ALCAM: variants seen among roughly 807,000 people sequenced by gnomAD.
ALCAM encodes activated leukocyte cell adhesion molecule, also known as CD166 antigen.
A neutral mutation model predicts 70.9 loss-of-function variants in ALCAM; 30 were observed. That is an observed-to-expected ratio of 0.42 (90% CI 0.32 to 0.57). ALCAM has a LOEUF of 0.57. Ranked by LOEUF, ALCAM falls within the 20% of genes least tolerant of loss-of-function variation. The probability of loss-of-function intolerance (pLI) is 0.11; values close to 1 mark genes in which losing one functional copy is unlikely to be tolerated. For missense variants in ALCAM, 591 were observed against 695.1 expected (o/e 0.85, Z 1.68); for synonymous variants, 249 against 242.5 (o/e 1.03, Z -0.25).
At chr3:105,535,908 G>A (rs1256216267) in intron 6 of ALCAM, among the ~76,000 whole-genome samples, 1 of 151,820 alleles carries the variant, frequency 6.6e-6, no homozygotes, top group South Asian at 2.1e-4. Context: ...GGTTCCCTAG[G>A]GCACAATATC....
rs369716468 is a variant in ALCAM at position 105,545,006 on chromosome 3, T to C, written c.992-217T>C. The C allele has an allele frequency of 6.5e-6, 3 of 462,980 alleles. No individual in the cohort carries two copies. The East Asian group carries it at 1.3e-4, about 20-fold the overall frequency. 28.7% of individuals were successfully genotyped at this position (462,980 alleles called of 1,614,324 possible). Reference sequence around the variant, plus strand: ...TAACTGCAAATAAATGGATAATCAATTAGATTGACCACTCTCTTGTCTAAA... The same window carrying C: ...TAACTGCAAATAAATGGATAATCAACTAGATTGACCACTCTCTTGTCTAAA... On this transcript the variant is annotated intron_variant, in intron 8 of 15. Coordinates refer to ENST00000306107, the MANE Select transcript of ALCAM (RefSeq NM_001627.4).
rs1452791157 is a variant in ALCAM, at chr3:105,576,578, A to G, written c.*2127A>G. ...GTCAGAACCTCGAGAGCAGAACATG[A>G]GAAACTCAGAGCTCTGGACCGAAAG... On this transcript the variant is annotated 3_prime_UTR_variant, in exon 16 of 16. Transcript: ENST00000306107. 1 of 152,568 alleles carries G rather than the reference A, an allele frequency of 6.6e-6. No homozygotes were observed. Among genetic ancestry groups the G allele is most frequent in the Non-Finnish European group, 1.5e-5 (1 of 68,034 alleles). 9.5% of individuals were successfully genotyped at this position (152,568 alleles called of 1,614,324 possible).
chr3:105,497,769 C>T (rs540260479), intron 1 of ALCAM, among the ~76,000 whole-genome samples: 2 of 152,176 alleles, frequency 1.3e-5, no homozygotes, highest in East Asian at 1.9e-4. Context: ...AGGTCGCTCA[C>T]GCCTGTAATC....
chr3:105,407,750 C>T (rs114667036), intron 1 of ALCAM, among the ~76,000 whole-genome samples: 2,174 of 151,558 alleles, frequency 0.014, 38 homozygotes, highest in African/African-American at 0.048. Context: ...AAATAAAGGG[C>T]ATCCGAAGAG....
chr3:105,532,588 G>A (rs1284615724), intron 4 of ALCAM, among the ~76,000 whole-genome samples: 9 of 152,080 alleles, frequency 5.9e-5, no homozygotes, highest in African/African-American at 9.7e-5. Context: ...CATTGTGGAC[G>A]ACAGAGCCAG....
At chr3:105,483,517 A>T (rs1322176141) in intron 1 of ALCAM, among the ~76,000 whole-genome samples, 5 of 152,144 alleles carry the variant, frequency 3.3e-5, no homozygotes, top group African/African-American at 1.2e-4. Context: ...CTTATGGAAG[A>T]TAGGGTAAGA....
chr3:105,534,636 A>G (rs755861717), intron 5 of ALCAM, 27 bp from the exon 6 acceptor site: 7 of 1,597,510 alleles, frequency 4.4e-6, no homozygotes, highest in South Asian at 3.3e-5. Context: ...GAAAGACCCT[A>G]TCATCAGTGT....
intron 1 of ALCAM, among the ~76,000 whole-genome samples, chr3:105,427,333 C>T (rs1052363984): frequency 6.6e-6 from 1 of 151,818 alleles, no homozygotes; most frequent in African/African-American, 2.4e-5. Context: ...GCTTTTGTTC[C>T]TCTGTAATAA....
chr3:105,466,801 G>A (rs1257771649), intron 1 of ALCAM, among the ~76,000 whole-genome samples: 1 of 151,382 alleles, frequency 6.6e-6, no homozygotes, highest in African/African-American at 2.4e-5. Flanking sequence ...TAGAAGCCTG[G>A]ATGTTGGATT....
intron 1 of ALCAM, among the ~76,000 whole-genome samples, chr3:105,455,578 C>T (rs570006763): frequency 6.6e-6 from 1 of 152,188 alleles, no homozygotes; most frequent in East Asian, 1.9e-4. Context: ...AGGCAGGACT[C>T]AACTCTGGAG....
chr3:105,474,661 G>T (rs1938047891), intron 1 of ALCAM, among the ~76,000 whole-genome samples: 1 of 151,604 alleles, frequency 6.6e-6, no homozygotes, highest in Non-Finnish European at 1.5e-5. Flanking sequence ...ACATTCAAGG[G>T]CAATCTCTTT....
chr3:105,501,822 T>C (rs938366384), intron 1 of ALCAM, among the ~76,000 whole-genome samples: 3 of 152,192 alleles, frequency 2.0e-5, no homozygotes, highest in Admixed American at 2.0e-4. Flanking sequence ...TAAAGCATAG[T>C]GCCTGCCAAT....
intron 1 of ALCAM, among the ~76,000 whole-genome samples, chr3:105,401,215 G>T (rs1936081157): frequency 6.6e-6 from 1 of 152,184 alleles, no homozygotes; most frequent in Non-Finnish European, 1.5e-5. Flanking sequence ...CCCCTTTTGT[G>T]TGGAATAGAA....
At chr3:105,464,216 C>A (rs1937652643) in intron 1 of ALCAM, among the ~76,000 whole-genome samples, 1 of 150,968 alleles carries the variant, frequency 6.6e-6, no homozygotes, top group Non-Finnish European at 1.5e-5. Context: ...GCTTCTATTT[C>A]AAGGAATTTT....
intron 14 of ALCAM, among the ~76,000 whole-genome samples, chr3:105,562,495 A>G (rs1342562023): frequency 6.6e-6 from 1 of 152,140 alleles, no homozygotes. Flanking sequence ...TTAGTCTATT[A>G]TGATGTATCA....
rs573927198 is a variant in ALCAM at position 105,382,748 on chromosome 3, C to G, written c.73+15267C>G. On this transcript the variant is annotated intron_variant, in intron 1 of 15. Coordinates refer to ENST00000306107, the MANE Select transcript of ALCAM (RefSeq NM_001627.4). Reference sequence around the variant, plus strand: ...CTGCATAAATGTCTTCTTTTGAGAACTGTCTGTTCATATCCTTTGCCCACT... The same window carrying G: ...CTGCATAAATGTCTTCTTTTGAGAAGTGTCTGTTCATATCCTTTGCCCACT... Among the ~76,000 whole-genome samples the G allele has an allele frequency of 3.4e-4, 52 of 151,916 alleles. No homozygotes were observed. In the South Asian group the frequency reaches 5.8e-3, roughly 17 times the overall value.
intron 14 of ALCAM, among the ~76,000 whole-genome samples, chr3:105,563,729 G>A (rs1484172448): frequency 7.9e-5 from 9 of 114,086 alleles, no homozygotes; most frequent in African/African-American, 1.7e-4. Context: ...CGCCCAGGCC[G>A]GACTGCGGAC....
At chr3:105,548,456 C>CATATAT (rs1161032896) in intron 11 of ALCAM, among the ~76,000 whole-genome samples, 2 of 151,374 alleles carry the variant, frequency 1.3e-5, no homozygotes, top group African/African-American at 4.8e-5. Flanking sequence ...TTTGAGAAGA[C>CATATAT]ATATATAAAG....
chr3:105,414,434 T>C (rs1057350568), intron 1 of ALCAM, among the ~76,000 whole-genome samples: 1 of 151,414 alleles, frequency 6.6e-6, no homozygotes, highest in Non-Finnish European at 1.5e-5. Flanking sequence ...CAAACAAAAA[T>C]AAAGTACTGT....
Sources: gnomAD v4.1 joint callset for allele counts (sites outside exome capture counted in the v4.1 genomes callset) on GRCh38, gnomAD v4.1.1 for gene constraint, MANE v1.5 for transcripts, NCBI Gene and HGNC (gene_info 2026-07-23, HGNC 2026-07-21) for gene names.